The following CDC123 variants were observed in gnomAD, a reference collection of about 807,000 sequenced individuals.
CDC123 encodes the protein cell division cycle 123.
Under a neutral mutation model 54.4 loss-of-function variants are expected in CDC123, and 37 were observed. The observed-to-expected ratio is 0.68, with a 90% confidence interval of 0.52 to 0.89. The LOEUF (loss-of-function observed/expected upper bound fraction) is 0.89. CDC123 is among the 40% of genes least tolerant of loss of function. The probability of loss-of-function intolerance (pLI) is 0.00; values close to 1 mark genes in which losing one functional copy is unlikely to be tolerated. For missense variants in CDC123, 361 were observed against 412.1 expected (o/e 0.88, Z 1.07); for synonymous variants, 144 against 136.8 (o/e 1.05, Z -0.37).
intron 3 of CDC123, 133 bp downstream of exon 3, chr10:12,210,157 T>C: frequency 7.0e-7 from 1 of 1,426,184 alleles, no homozygotes; most frequent in Non-Finnish European, 9.6e-7. Context: ...CTTTGACATA[T>C]ATTTTCACAT....
At chr10:12,208,268 T>G (rs1444648786) in intron 2 of CDC123, among the ~76,000 whole-genome samples, 1 of 152,192 alleles carries the variant, frequency 6.6e-6, no homozygotes, top group Non-Finnish European at 1.5e-5. Flanking sequence ...TTTGTAGTTG[T>G]GTGTTGAGGA....
At chr10:12,210,444 C>T in intron 4 of CDC123, 122 bp downstream of exon 4, 1 of 1,183,816 alleles carries the variant, frequency 8.4e-7, no homozygotes. Context: ...ATATTATTTT[C>T]CCTGTGGGCT....
chr10:12,235,892 C>G (rs1220736719), intron 8 of CDC123, among the ~76,000 whole-genome samples: 2 of 152,156 alleles, frequency 1.3e-5, no homozygotes, highest in African/African-American at 4.8e-5. Flanking sequence ...GAATAGGAAG[C>G]CCGTATTTCA....
intron 2 of CDC123, among the ~76,000 whole-genome samples, chr10:12,203,313 A>C (rs1191703289): frequency 1.3e-5 from 2 of 152,216 alleles, no homozygotes; most frequent in Non-Finnish European, 2.9e-5. Context: ...TTACAGTTAG[A>C]ATTTAGCACA....
chr10:12,219,137 CT>C (rs142104855), intron 6 of CDC123, among the ~76,000 whole-genome samples: 4,747 of 152,296 alleles, frequency 0.031, 191 homozygotes, highest in African/African-American at 0.09. Context: ...GCATGAATAA[CT>C]TAAGTTCACT....
chr10:12,224,157 T>A (rs1835773925), intron 6 of CDC123, among the ~76,000 whole-genome samples: 1 of 151,180 alleles, frequency 6.6e-6, no homozygotes, highest in Non-Finnish European at 1.5e-5. Context: ...AATAATAGTC[T>A]CCAGTTCCAT....
At chr10:12,248,681 C>T (rs1836193509) in intron 11 of CDC123, among the ~76,000 whole-genome samples, 1 of 152,010 alleles carries the variant, frequency 6.6e-6, no homozygotes, top group Admixed American at 6.6e-5. Context: ...TGGTGCATGC[C>T]TGTAATCCCA....
At chr10:12,242,847 CAGG>C (rs961921086) in intron 10 of CDC123, among the ~76,000 whole-genome samples, 17 of 151,950 alleles carry the variant, frequency 1.1e-4, no homozygotes, top group African/African-American at 4.1e-4. Context: ...GAGGCTGAGG[CAGG>C]AGAACCACTT....
intron 3 of CDC123, 72 bp from the exon 4 acceptor site, chr10:12,210,218 G>C (rs2271804): frequency 1.3e-6 from 2 of 1,555,482 alleles, no homozygotes; most frequent in Non-Finnish European, 1.7e-6. Context: ...ATTTTTAGAT[G>C]GAGCACTGCT....
chr10:12,240,729 T>C (rs1836045785), intron 10 of CDC123, among the ~76,000 whole-genome samples: 2 of 150,554 alleles, frequency 1.3e-5, no homozygotes, highest in African/African-American at 4.8e-5. Context: ...ATTAGCCAGG[T>C]GTGGTGGTTT....
At chr10:12,240,382 C>T (rs1836041089) in intron 10 of CDC123, among the ~76,000 whole-genome samples, 3 of 152,190 alleles carry the variant, frequency 2.0e-5, no homozygotes, top group Admixed American at 6.5e-5. Context: ...AGATCAGCCT[C>T]ATTGTAAGTG....
Position 12,250,327 on chromosome 10 carries a change from A to G in CDC123, c.1001A>G (p.Glu334Gly). 4.4e-6 allele frequency: 7 copies of G among 1,599,876 alleles called. No individual in the cohort carries two copies. The highest frequency in any genetic ancestry group is 1.7e-4 in the Middle Eastern group (1 of 6,034). The change falls in exon 13 of 13, where the codon GAG becomes GGG. Residue 334 changes from glutamate to glycine, a missense_variant. By Grantham distance (98) the Glu-to-Gly change is moderately conservative (BLOSUM62 -2). Transcript: ENST00000281141. ...DFLKLKRNQQ[E>G]DD is the part of the protein sequence containing the mutation. ...CTTTGACAGAAGAGAAATCAGCAGG[A>G]GGACGACTGATGAGCGTACTGGAAC...
chr10:12,199,879 G>A (rs193079935), intron 2 of CDC123, among the ~76,000 whole-genome samples: 1 of 152,192 alleles, frequency 6.6e-6, no homozygotes, highest in Non-Finnish European at 1.5e-5. Context: ...CTGGAGTGCA[G>A]TGGCGTGATC....
chr10:12,241,137 G>A (rs1836052238), intron 10 of CDC123, among the ~76,000 whole-genome samples: 2 of 147,760 alleles, frequency 1.4e-5, no homozygotes, highest in African/African-American at 5.2e-5. Context: ...TGATGTTTCA[G>A]TATAATTTCT....
chr10:12,198,678 A>G, intron 1 of CDC123, 27 bp from the exon 2 acceptor site: 2 of 1,280,844 alleles, frequency 1.6e-6, no homozygotes, highest in South Asian at 1.3e-5. Flanking sequence ...TTTTAAAATG[A>G]TGCCTTTTTT....
intron 2 of CDC123, among the ~76,000 whole-genome samples, chr10:12,201,577 T>G (rs752383713): frequency 6.6e-6 from 1 of 151,688 alleles, no homozygotes; most frequent in African/African-American, 2.4e-5. Context: ...GGAAAGGTCA[T>G]GTAGCTAGAG....
chr10:12,226,759 C>G (rs936451947), intron 6 of CDC123, among the ~76,000 whole-genome samples: 2 of 150,964 alleles, frequency 1.3e-5, no homozygotes, highest in Non-Finnish European at 3.0e-5. Context: ...AGAGGTGCTC[C>G]TCACTTCCCA....
chr10:12,234,366 C>T (rs560901394), intron 7 of CDC123, among the ~76,000 whole-genome samples: 8 of 152,218 alleles, frequency 5.3e-5, no homozygotes, highest in African/African-American at 1.4e-4. Context: ...TACAGGCACC[C>T]GCCACCATGC....
At chr10:12,205,365 C>T (rs112365321) in intron 2 of CDC123, among the ~76,000 whole-genome samples, 3,507 of 152,274 alleles carry the variant, frequency 0.023, 141 homozygotes, top group African/African-American at 0.08. Context: ...CTATTGTAAA[C>T]AGTGCTGCAA....
Sources: gnomAD v4.1 joint callset for allele counts (sites outside exome capture counted in the v4.1 genomes callset) on GRCh38, gnomAD v4.1.1 for gene constraint, MANE v1.5 for transcripts, NCBI Gene and HGNC (gene_info 2026-07-23, HGNC 2026-07-21) for gene names.